Variants in DNAL1 observed in about 807,000 individuals in gnomAD.
DNAL1 encodes the protein chromosome 14 open reading frame 168.
A neutral mutation model predicts 29.4 loss-of-function variants in DNAL1; 17 were observed. The observed-to-expected ratio is 0.58, with a 90% confidence interval of 0.40 to 0.87. The LOEUF (loss-of-function observed/expected upper bound fraction) is 0.87, where lower values mean the gene tolerates loss of function less well. DNAL1 is among the 40% of genes least tolerant of loss of function. The pLI is 0.00. For synonymous variants in DNAL1, 78 were observed against 76.3 expected, an observed-to-expected ratio of 1.02 and a Z score of -0.12; for missense variants, 188 against 214.1, an observed-to-expected ratio of 0.88 and a Z score of 0.76.
chr14:73,684,554 C>T (rs1891966396), intron 5 of DNAL1, among the ~76,000 whole-genome samples: 2 of 152,136 alleles, frequency 1.3e-5, no homozygotes, highest in Admixed American at 6.6e-5. Context: ...GGATTCATTA[C>T]TTTATACAGA....
chr14:73,669,276 G>T (rs1891560414), intron 4 of DNAL1, among the ~76,000 whole-genome samples: 1 of 151,956 alleles, frequency 6.6e-6, no homozygotes, highest in East Asian at 1.9e-4. Flanking sequence ...GTGCCACCAT[G>T]CCCAGCTAAA....
intron 5 of DNAL1, among the ~76,000 whole-genome samples, chr14:73,675,014 C>T (rs965287450): frequency 1.3e-5 from 2 of 151,704 alleles, no homozygotes; most frequent in African/African-American, 4.8e-5. Flanking sequence ...AGGGGTCTCG[C>T]CATGTTGCCC....
chr14:73,645,353 G>T (rs1890955011), intron 1 of DNAL1, among the ~76,000 whole-genome samples: 1 of 152,168 alleles, frequency 6.6e-6, no homozygotes, highest in African/African-American at 2.4e-5. Context: ...ATGGGAAGGA[G>T]AGTGTAGATA....
intron 5 of DNAL1, among the ~76,000 whole-genome samples, chr14:73,673,384 T>A (rs1238922355): frequency 1.3e-5 from 2 of 152,136 alleles, no homozygotes; most frequent in Admixed American, 1.3e-4. Context: ...ATTTATTCCA[T>A]AAAATGTAAT....
rs149000367 is a variant in DNAL1 at position 73,701,700 on chromosome 14, C to T, written c.*5758C>T. 5.8e-4 allele frequency: 88 copies of T among 152,360 alleles called. No individual in the cohort carries two copies. The highest frequency in any genetic ancestry group is 3.4e-3 in the Middle Eastern group (1 of 294). 9.4% of individuals were successfully genotyped at this position (152,360 alleles called of 1,614,324 possible). A position where few individuals can be genotyped will look rare whatever the true frequency, so the allele number is the denominator to read the frequency against. On this transcript the variant is annotated 3_prime_UTR_variant, in exon 8 of 8. Transcript: ENST00000553645. ...TAAGAGCACATGCGCATAGCCAGCT[C>T]CTCTCCCAGGCTGGCAGTCATGATT...
intron 4 of DNAL1, among the ~76,000 whole-genome samples, chr14:73,662,501 T>C (rs778550335): frequency 6.6e-6 from 1 of 152,204 alleles, no homozygotes; most frequent in African/African-American, 2.4e-5. Flanking sequence ...TGGATATATA[T>C]TCTCTTATGG....
At chr14:73,693,506 T>G (rs1181477147) in intron 7 of DNAL1, among the ~76,000 whole-genome samples, 2 of 152,148 alleles carry the variant, frequency 1.3e-5, no homozygotes, top group Admixed American at 1.3e-4. Flanking sequence ...ATGAATGAAT[T>G]AAAATTTTAC....
rs71112789 is a variant in DNAL1, at chr14:73,648,417, T to TATATATATATATATATATATATATATATA, written c.3+3375_3+3376insATATATATATATATATATATATATATATA. The stretch of plus-strand genomic sequence containing the variant: ...ACACCTCATTTCATATATATATATA[T>TATATATATATATATATATATATATATATA]TTGTTGTTTGTTTGTTTTTGTTTTT... On this transcript the variant is annotated intron_variant, in intron 1 of 7. Coordinates refer to ENST00000553645, the MANE Select transcript of DNAL1 (RefSeq NM_031427.4). Among the ~76,000 whole-genome samples, 152 of 132,538 alleles carry TATATATATATATATATATATATATATATA rather than the reference T, an allele frequency of 1.1e-3. 1 individual carries two copies. The highest frequency in any genetic ancestry group is 2.1e-3 in the African/African-American group (70 of 34,006). 87.0% of individuals were successfully genotyped at this position (132,538 alleles called of 152,430 possible). A position where few individuals can be genotyped will look rare whatever the true frequency, so the allele number is the denominator to read the frequency against.
intron 1 of DNAL1, among the ~76,000 whole-genome samples, chr14:73,649,427 C>T (rs1057050158): frequency 4.1e-4 from 62 of 151,542 alleles, no homozygotes; most frequent in South Asian, 6.3e-4. Context: ...GGACTACAGG[C>T]GCCTGCCACC....
At chr14:73,681,431 G>A (rs1347183749) in intron 5 of DNAL1, among the ~76,000 whole-genome samples, 25 of 150,380 alleles carry the variant, frequency 1.7e-4, no homozygotes, top group South Asian at 2.1e-4. Context: ...CACCGCACCC[G>A]GTGATTTTAT....
intron 4 of DNAL1, among the ~76,000 whole-genome samples, chr14:73,665,954 T>C (rs1891468093): frequency 6.6e-6 from 1 of 152,192 alleles, no homozygotes; most frequent in African/African-American, 2.4e-5. Flanking sequence ...AATACCTTGA[T>C]CAATTATTCA....
At chr14:73,648,267 C>T (rs182741355) in intron 1 of DNAL1, among the ~76,000 whole-genome samples, 7 of 151,690 alleles carry the variant, frequency 4.6e-5, no homozygotes, top group Admixed American at 1.3e-4. Context: ...CGTGAGCCAC[C>T]GCGCCTGGCC....
At chr14:73,663,851 A>G (rs1891413367) in intron 4 of DNAL1, among the ~76,000 whole-genome samples, 1 of 151,656 alleles carries the variant, frequency 6.6e-6, no homozygotes, top group African/African-American at 2.4e-5. Context: ...TTTATAAGAA[A>G]CTCCTCTCAC....
intron 5 of DNAL1, among the ~76,000 whole-genome samples, chr14:73,686,940 A>C (rs566614141): frequency 6.6e-6 from 1 of 152,138 alleles, no homozygotes; most frequent in Admixed American, 6.6e-5. Context: ...ACCATTAATG[A>C]ACGAGATAAG....
chr14:73,678,948 T>C (rs951358090), intron 5 of DNAL1, among the ~76,000 whole-genome samples: 1 of 152,190 alleles, frequency 6.6e-6, no homozygotes, highest in African/African-American at 2.4e-5. Context: ...CTGTTACTTC[T>C]GGGCAAGGGA....
intron 6 of DNAL1, among the ~76,000 whole-genome samples, chr14:73,688,474 A>G (rs1394501939): frequency 6.6e-6 from 1 of 152,110 alleles, no homozygotes; most frequent in Non-Finnish European, 1.5e-5. Flanking sequence ...ATACAAAAAC[A>G]TAGCCAGGTG....
Position 73,703,640 on chromosome 14 carries a change from A to G in DNAL1, c.*7698A>G, listed in dbSNP as rs1672243500. Reference sequence around the variant, plus strand: ...AGCGCCTATCCCAAAACCTATAAGAACTGATGATAATCCACCACCCTTTGC... The same window carrying G: ...AGCGCCTATCCCAAAACCTATAAGAGCTGATGATAATCCACCACCCTTTGC... On this transcript the variant is annotated 3_prime_UTR_variant, in exon 8 of 8. Coordinates refer to ENST00000553645, the MANE Select transcript of DNAL1 (RefSeq NM_031427.4). The G allele has an allele frequency of 6.6e-6, 1 of 151,418 alleles. No homozygotes were observed. Among genetic ancestry groups the G allele is most frequent in the Non-Finnish European group, 1.5e-5 (1 of 68,110 alleles). The allele number at this position is 151,418 out of a possible 1,614,324, so 9.4% of individuals were successfully genotyped here.
chr14:73,653,868 T>G (rs1891157259), intron 1 of DNAL1, among the ~76,000 whole-genome samples: 1 of 152,242 alleles, frequency 6.6e-6, no homozygotes, highest in Admixed American at 6.5e-5. Context: ...AAATTGAATC[T>G]AAGCTGCTAT....
intron 5 of DNAL1, chr14:73,673,069 T>G (rs1891654040): frequency 6.6e-6 from 1 of 152,098 alleles, no homozygotes; most frequent in South Asian, 2.1e-4. Context: ...AAATTTGATA[T>G]TTGTGATGTT....
Sources: allele counts gnomAD v4.1 joint callset (sites outside exome capture counted in the v4.1 genomes callset), GRCh38; gene constraint gnomAD v4.1.1; transcripts MANE v1.5; gene names NCBI Gene and HGNC (gene_info 2026-07-23, HGNC 2026-07-21).